Variants in MIPEP observed in about 807,000 individuals in gnomAD.
The protein encoded by MIPEP is mitochondrial intermediate peptidase.
Under a neutral mutation model 90.3 loss-of-function variants are expected in MIPEP, and 79 were observed. The ratio of observed to expected loss-of-function variants is 0.87; its 90% CI spans 0.73 to 1.05. The LOEUF is 1.05. Ranked by LOEUF, MIPEP falls within the 50% of genes least tolerant of loss-of-function variation. The probability of loss-of-function intolerance (pLI) is 0.00; values close to 1 mark genes in which losing one functional copy is unlikely to be tolerated. For synonymous variants in MIPEP, 334 were observed against 315.8 expected, an observed-to-expected ratio of 1.06 and a Z score of -0.61; for missense variants, 940 against 905.6, an observed-to-expected ratio of 1.04 and a Z score of -0.49.
rs564556689 is a variant in MIPEP, at chr13:23,745,765, G to A, written c.2044+10780C>T. Among the ~76,000 whole-genome samples, 43 of 151,684 alleles carry A rather than the reference G, an allele frequency of 2.8e-4. No homozygotes were observed. In the South Asian group the frequency reaches 6.5e-3, roughly 23 times the overall value. Reference sequence around the variant, plus strand: ...CAACATGGTGAAAGCCCATCTCTGCGAAAAATAAAAAAATTAGCGAAGTGT... The same window carrying A: ...CAACATGGTGAAAGCCCATCTCTGCAAAAAATAAAAAAATTAGCGAAGTGT... On this transcript the variant is annotated intron_variant, in intron 18 of 18. Coordinates refer to ENST00000382172, the MANE Select transcript of MIPEP (RefSeq NM_005932.4).
intron 2 of MIPEP, among the ~76,000 whole-genome samples, chr13:23,886,115 G>A (rs1871470488): frequency 1.3e-5 from 2 of 151,680 alleles, no homozygotes; most frequent in South Asian, 2.1e-4. Flanking sequence ...TTAAACATAC[G>A]TATTAAAGTA....
rs753056830 is a variant in MIPEP at position 23,747,543 on chromosome 13, G to A, written c.2044+9002C>T. ...ACCGTGACAGGAAGGAGGAAGGGCA[G>A]GATAGGAGTAAGAGAACAGCTGAGA... On this transcript the variant is annotated intron_variant, in intron 18 of 18. Transcript: ENST00000382172. 7 of 512,458 alleles carry A rather than the reference G, an allele frequency of 1.4e-5. No individual in the cohort carries two copies. In the East Asian group the frequency reaches 3.9e-4, roughly 28 times the overall value. The allele number at this position is 512,458 out of a possible 1,614,324, so 31.7% of individuals were successfully genotyped here.
intron 16 of MIPEP, among the ~76,000 whole-genome samples, chr13:23,794,461 C>T (rs1000295642): frequency 2.0e-5 from 3 of 152,094 alleles, no homozygotes; most frequent in Admixed American, 6.5e-5. Context: ...TCCCTGTGTC[C>T]GGCTCTCATT....
intron 16 of MIPEP, among the ~76,000 whole-genome samples, chr13:23,796,115 A>C (rs752658086): frequency 2.6e-5 from 4 of 152,096 alleles, no homozygotes; most frequent in Non-Finnish European, 5.9e-5. Context: ...TCGAACAAAG[A>C]AGCTCTTAAA....
intron 16 of MIPEP, among the ~76,000 whole-genome samples, chr13:23,779,469 G>C (rs573748458): frequency 1.3e-5 from 2 of 149,372 alleles, no homozygotes; most frequent in Non-Finnish European, 3.0e-5. Flanking sequence ...AAAGGTGTAT[G>C]GGGGGGGCAG....
intron 13 of MIPEP, 35 bp from the exon 14 acceptor site, chr13:23,836,384 C>A: frequency 7.8e-7 from 1 of 1,286,520 alleles, no homozygotes; most frequent in Non-Finnish European, 1.1e-6. Context: ...TGGCATGAAT[C>A]AAATCAATAT....
intron 18 of MIPEP, among the ~76,000 whole-genome samples, chr13:23,745,013 T>C (rs577702324): frequency 7.2e-5 from 11 of 152,320 alleles, no homozygotes; most frequent in African/African-American, 1.7e-4. Flanking sequence ...TAAGTACAGG[T>C]TGGCCTTCCT....
intron 8 of MIPEP, among the ~76,000 whole-genome samples, chr13:23,862,980 T>G (rs1357752945): frequency 6.6e-6 from 1 of 152,214 alleles, no homozygotes; most frequent in Non-Finnish European, 1.5e-5. Flanking sequence ...CCCTCTTTCT[T>G]TATTGTATCA....
chr13:23,857,636 G>A (rs1870104239), intron 10 of MIPEP, among the ~76,000 whole-genome samples: 1 of 152,102 alleles, frequency 6.6e-6, no homozygotes, highest in Non-Finnish European at 1.5e-5. Context: ...CTTAACTAAA[G>A]GTTAGGACAC....
intron 16 of MIPEP, among the ~76,000 whole-genome samples, chr13:23,804,761 T>C (rs1953087091): frequency 6.6e-6 from 1 of 152,228 alleles, no homozygotes; most frequent in South Asian, 2.1e-4. Context: ...TAGTGGACAA[T>C]TGTAGTTTAT....
chr13:23,751,016 C>T (rs1018774118), intron 18 of MIPEP, among the ~76,000 whole-genome samples: 7 of 152,042 alleles, frequency 4.6e-5, no homozygotes, highest in African/African-American at 1.7e-4. Flanking sequence ...TGGAATCAGC[C>T]ATTTCTCCAA....
chr13:23,799,000 GTTTTTTTTT>G (rs765292524), intron 16 of MIPEP, among the ~76,000 whole-genome samples: 2 of 88,904 alleles, frequency 2.2e-5, no homozygotes, highest in Non-Finnish European at 4.0e-5. Flanking sequence ...AATTTTTTTG[GTTTTTTTTT>G]TTTTTTTTTT....
At position 23,818,255 on chromosome 13, in the gene MIPEP, T is replaced by TA. The variant is rs79782871; in HGVS notation, c.1654-8332dup. ...AACATGGTGAAACCCTGTATCTACTTAAAAAAAAAAAAAAATTAGCTGGGC... is the reference window on the plus strand; with the variant it reads ...AACATGGTGAAACCCTGTATCTACTTAAAAAAAAAAAAAAAATTAGCTGGGC... On this transcript the variant is annotated intron_variant, in intron 14 of 18. Coordinates refer to ENST00000382172, the MANE Select transcript of MIPEP (RefSeq NM_005932.4). Among the ~76,000 whole-genome samples, 250 of 145,782 alleles carry TA rather than the reference T, an allele frequency of 1.7e-3. 1 individual carries two copies. Among genetic ancestry groups the TA allele is most frequent in the Middle Eastern group, 0.011 (3 of 278 alleles).
intron 10 of MIPEP, among the ~76,000 whole-genome samples, chr13:23,851,102 CCTATTCTCAGA>C (rs1398131591): frequency 6.6e-6 from 1 of 152,202 alleles, no homozygotes; most frequent in Non-Finnish European, 1.5e-5. Flanking sequence ...AGCAACAGAC[CCTATTCTCAGA>C]CCTCTCCCCA....
intron 15 of MIPEP, among the ~76,000 whole-genome samples, chr13:23,807,865 A>T (rs902362176): frequency 3.9e-5 from 6 of 152,210 alleles, no homozygotes; most frequent in African/African-American, 1.4e-4. Context: ...TTTTTGAATT[A>T]TAAAAACAGA....
At chr13:23,769,249 G>A (rs1204978814) in intron 16 of MIPEP, among the ~76,000 whole-genome samples, 1 of 152,178 alleles carries the variant, frequency 6.6e-6, no homozygotes, top group Non-Finnish European at 1.5e-5. Flanking sequence ...GTAGGAACAG[G>A]TACTGTGTCT....
chr13:23,806,178 T>C (rs1953104913), intron 15 of MIPEP, 109 bp from the exon 16 acceptor site: 3 of 1,101,900 alleles, frequency 2.7e-6, no homozygotes, highest in Non-Finnish European at 4.0e-6. Flanking sequence ...CAATCACAGT[T>C]GAAAACAGTC....
intron 18 of MIPEP, among the ~76,000 whole-genome samples, chr13:23,755,854 T>C (rs1952486016): frequency 1.3e-5 from 2 of 152,138 alleles, no homozygotes; most frequent in South Asian, 2.1e-4. Flanking sequence ...TTGGAATTTC[T>C]TGAAAATATG....
At chr13:23,738,464 T>C (rs953644792) in intron 18 of MIPEP, among the ~76,000 whole-genome samples, 2 of 148,652 alleles carry the variant, frequency 1.3e-5, no homozygotes, top group East Asian at 1.9e-4. Flanking sequence ...TTTTTTTTTT[T>C]CTTGAGACAG....
Sources: allele counts gnomAD v4.1 joint callset (sites outside exome capture counted in the v4.1 genomes callset), GRCh38; gene constraint gnomAD v4.1.1; transcripts MANE v1.5; gene names NCBI Gene and HGNC (gene_info 2026-07-23, HGNC 2026-07-21).